The following TRPC4 variants were observed in gnomAD, a reference collection of about 807,000 sequenced individuals.
The protein encoded by TRPC4 is transient receptor potential cation channel subfamily C member 4.
A neutral mutation model predicts 99.4 loss-of-function variants in TRPC4; 49 were observed. That is an observed-to-expected ratio of 0.49 (90% CI 0.39 to 0.63). TRPC4 has a LOEUF of 0.63. Ranked by LOEUF, TRPC4 falls within the 20% of genes least tolerant of loss-of-function variation. TRPC4 has a pLI of 0.00. For synonymous variants in TRPC4, 454 were observed against 425.9 expected, an observed-to-expected ratio of 1.07 and a Z score of -0.81; for missense variants, 898 against 1,152.9, an observed-to-expected ratio of 0.78 and a Z score of 3.20.
intron 2 of TRPC4, among the ~76,000 whole-genome samples, chr13:37,763,188 ACTGT>A (rs1215492533): frequency 1.3e-5 from 2 of 151,738 alleles, no homozygotes; most frequent in East Asian, 3.9e-4. Flanking sequence ...GAAAATTTGA[ACTGT>A]CTGACATTTC....
At chr13:37,772,320 A>T (rs1956575346) in intron 2 of TRPC4, among the ~76,000 whole-genome samples, 1 of 151,756 alleles carries the variant, frequency 6.6e-6, no homozygotes, top group Non-Finnish European at 1.5e-5. Context: ...AATGTCAAAA[A>T]GAGTTGGGGG....
In TRPC4 at chr13:37,738,083, T is replaced by G. The variant is rs1245145116; in HGVS notation, c.897+7854A>C. On this transcript the variant is annotated intron_variant, in intron 3 of 10. Coordinates refer to ENST00000379705, the MANE Select transcript of TRPC4 (RefSeq NM_016179.4). Reference sequence around the variant, plus strand: ...CCCAGGTCTACTCCTCCATTTTAAATAGGATATTGATTTCCTACCAGACTC... The same window carrying G: ...CCCAGGTCTACTCCTCCATTTTAAAGAGGATATTGATTTCCTACCAGACTC... Among the ~76,000 whole-genome samples the G allele has an allele frequency of 2.0e-5, 3 of 152,078 alleles. No homozygotes were observed. The East Asian group carries it at 5.8e-4, about 29-fold the overall frequency.
intron 2 of TRPC4, among the ~76,000 whole-genome samples, chr13:37,755,463 G>T (rs142585550): frequency 0.019 from 2,918 of 151,334 alleles, 73 homozygotes; most frequent in African/African-American, 0.067. Flanking sequence ...GTAGAGACAG[G>T]GTCTCACTGT....
chr13:37,830,824 A>G (rs1026767423), intron 1 of TRPC4, among the ~76,000 whole-genome samples: 3 of 148,354 alleles, frequency 2.0e-5, no homozygotes, highest in Non-Finnish European at 4.5e-5. Flanking sequence ...TATATATAAT[A>G]TAATAGTATA....
intron 1 of TRPC4, among the ~76,000 whole-genome samples, chr13:37,812,134 G>A (rs1211574698): frequency 2.6e-5 from 3 of 117,236 alleles, no homozygotes; most frequent in Non-Finnish European, 4.9e-5. Context: ...AGCTGACACA[G>A]CACCACTGTA....
At position 37,823,344 on chromosome 13, in the gene TRPC4, C is replaced by A. The variant is rs1200918014; in HGVS notation, c.-27-39984G>T. 2.6e-5 allele frequency among the ~76,000 whole-genome samples: 4 copies of A among 151,588 alleles called. 1 individual carries two copies. The Middle Eastern group carries it at 0.014, about 516-fold the overall frequency. ...TGGTGTTTTAGATATGAAGTCCTTG[C>A]CCATGCCTATGTCCTGAATGGTAAT... On this transcript the variant is annotated intron_variant, in intron 1 of 10. Transcript: ENST00000379705.
chr13:37,810,961 C>A (rs2139474873), intron 1 of TRPC4, among the ~76,000 whole-genome samples: 1 of 152,034 alleles, frequency 6.6e-6, no homozygotes, highest in African/African-American at 2.4e-5. Flanking sequence ...TTATCTCATT[C>A]CTCTTTTTTC....
intron 1 of TRPC4, among the ~76,000 whole-genome samples, chr13:37,838,019 T>A (rs1390878275): frequency 6.6e-6 from 1 of 152,136 alleles, no homozygotes; most frequent in African/African-American, 2.4e-5. Flanking sequence ...CCTGATGCCA[T>A]CCATGTAAGA....
intron 1 of TRPC4, among the ~76,000 whole-genome samples, chr13:37,804,739 T>A (rs912418066): frequency 4.6e-5 from 7 of 152,080 alleles, no homozygotes; most frequent in Non-Finnish European, 8.8e-5. Context: ...AATGCGTTAC[T>A]GTTTTAAAGT....
chr13:37,639,370 T>C lies in TRPC4; in HGVS notation c.2080-71A>G, dbSNP rs183260466. 4.0e-3 allele frequency: 5,800 copies of C among 1,463,428 alleles called. 20 individuals are homozygous for C. The highest frequency in any genetic ancestry group is 4.9e-3 in the Non-Finnish European group (5,267 of 1,075,414). 90.7% of individuals were successfully genotyped at this position (1,463,428 alleles called of 1,614,324 possible). A position where few individuals can be genotyped will look rare whatever the true frequency, so the allele number is the denominator to read the frequency against. On this transcript the variant is annotated intron_variant, in intron 8 of 10. Transcript: ENST00000379705. ...CTATTCTAAAAAATAATTTATTTTTTTAATCGATAATGTTTTTATTCTTAT... is the reference window on the plus strand; with the variant it reads ...CTATTCTAAAAAATAATTTATTTTTCTAATCGATAATGTTTTTATTCTTAT...
chr13:37,653,756 T>C (rs958989728), intron 7 of TRPC4, among the ~76,000 whole-genome samples: 1 of 152,184 alleles, frequency 6.6e-6, no homozygotes, highest in African/African-American at 2.4e-5. Flanking sequence ...TTGATGAAAT[T>C]GGGACATTTA....
chr13:37,673,429 T>C (rs1593481942), intron 5 of TRPC4, among the ~76,000 whole-genome samples: 1 of 151,996 alleles, frequency 6.6e-6, no homozygotes, highest in East Asian at 1.9e-4. Flanking sequence ...GATTATTAAA[T>C]TGAATGCATT....
intron 3 of TRPC4, among the ~76,000 whole-genome samples, chr13:37,719,238 C>T (rs925987317): frequency 6.6e-6 from 1 of 152,122 alleles, no homozygotes; most frequent in South Asian, 2.1e-4. Flanking sequence ...GTCTCAGCTA[C>T]GTTGGAGGCT....
intron 1 of TRPC4, among the ~76,000 whole-genome samples, chr13:37,851,841 G>T (rs886574814): frequency 1.2e-4 from 19 of 152,228 alleles, no homozygotes; most frequent in African/African-American, 4.6e-4. Context: ...GGAGAGCACA[G>T]CAACAGGTGG....
intron 3 of TRPC4, among the ~76,000 whole-genome samples, chr13:37,731,066 A>G (rs1375261085): frequency 6.6e-6 from 1 of 152,034 alleles, no homozygotes; most frequent in African/African-American, 2.4e-5. Context: ...AAAATTCTAT[A>G]TATTATATTT....
chr13:37,869,611 T>A lies in TRPC4; in HGVS notation c.-44A>T, dbSNP rs1437377283. 6.6e-6 allele frequency: 1 copy of A among 152,258 alleles called. No homozygotes were observed. Among genetic ancestry groups the A allele is most frequent in the Non-Finnish European group, 1.5e-5 (1 of 68,122 alleles). 9.4% of individuals were successfully genotyped at this position (152,258 alleles called of 1,614,324 possible). A position where few individuals can be genotyped will look rare whatever the true frequency, so the allele number is the denominator to read the frequency against. The stretch of plus-strand genomic sequence containing the variant: ...CCTCTTTACCTGCAAAGTTGCAATC[T>A]TCGGGCTGAAGTGATGGGATCCGAG... On this transcript the variant is annotated 5_prime_UTR_variant, in exon 1 of 11. The change creates a new upstream start codon in the 5' untranslated region. Coordinates refer to ENST00000379705, the MANE Select transcript of TRPC4 (RefSeq NM_016179.4).
intron 3 of TRPC4, among the ~76,000 whole-genome samples, chr13:37,726,639 C>G (rs1430994526): frequency 6.6e-6 from 1 of 152,034 alleles, no homozygotes; most frequent in East Asian, 1.9e-4. Context: ...ATGAATGAAA[C>G]TCTCCAACTC....
At chr13:37,717,068 T>G (rs1436937782) in intron 3 of TRPC4, among the ~76,000 whole-genome samples, 2 of 152,134 alleles carry the variant, frequency 1.3e-5, no homozygotes, top group African/African-American at 2.4e-5. Context: ...GAAGTGAGGC[T>G]GCCCAGAAGA....
rs1241221373 is a variant in TRPC4 at position 37,783,051 on chromosome 13, A to C, written c.283T>G (p.Tyr95Asp). 1 of 1,613,250 alleles carries C rather than the reference A, an allele frequency of 6.2e-7. No homozygotes were observed. The highest frequency in any genetic ancestry group is 8.5e-7 in the Non-Finnish European group (1 of 1,179,668). ...LIELLLSFNV[Y>D]VGDALLHAIR... ...GCATGTAATAGAGCATCTCCAACAT[A>C]GACATTAAAGCTTAAGAGTAGTTCG... The change falls in exon 2 of 11, where the codon TAT (tyrosine) becomes GAT (aspartate). Residue 95 changes from tyrosine (Y) to aspartate (D), a missense_variant. Coordinates refer to ENST00000379705, the MANE Select transcript of TRPC4 (RefSeq NM_016179.4).
Sources: gnomAD v4.1 joint callset for allele counts (sites outside exome capture counted in the v4.1 genomes callset) on GRCh38, gnomAD v4.1.1 for gene constraint, MANE v1.5 for transcripts, NCBI Gene and HGNC (gene_info 2026-07-23, HGNC 2026-07-21) for gene names.